DYNC2I1: variants seen among roughly 807,000 people sequenced by gnomAD.
DYNC2I1 encodes cytoplasmic dynein 2 intermediate chain 1.
In DYNC2I1, 89 loss-of-function variants were observed where a neutral mutation model predicts 133.4. The observed-to-expected ratio is 0.67, with a 90% confidence interval of 0.56 to 0.80. The LOEUF (loss-of-function observed/expected upper bound fraction) is 0.80. Ranked by LOEUF, DYNC2I1 falls within the 30% of genes least tolerant of loss-of-function variation. The pLI, the probability that DYNC2I1 is intolerant of heterozygous loss-of-function variation, is 0.00. For missense variants in DYNC2I1, 1,291 were observed against 1,314.5 expected (o/e 0.98, Z 0.28); for synonymous variants, 504 against 484.3 (o/e 1.04, Z -0.54).
chr7:158,861,490 C>T lies in DYNC2I1; in HGVS notation c.15+4740C>T, dbSNP rs115299080. On this transcript the variant is annotated intron_variant, in intron 1 of 24. Transcript: ENST00000407559. Reference sequence around the variant, plus strand: ...TTACTGAATGAAATCTATTTCACCACTCGAAAGTCTGGCATCCCCCTCCCC... The same window carrying T: ...TTACTGAATGAAATCTATTTCACCATTCGAAAGTCTGGCATCCCCCTCCCC... Among the ~76,000 whole-genome samples, 710 of 152,288 alleles carry T rather than the reference C, an allele frequency of 4.7e-3. 3 individuals are homozygous for T. The highest frequency in any genetic ancestry group is 0.016 in the African/African-American group (678 of 41,554).
intron 2 of DYNC2I1, among the ~76,000 whole-genome samples, chr7:158,870,679 AT>A (rs1022337273): frequency 6.6e-6 from 1 of 151,502 alleles, no homozygotes; most frequent in Admixed American, 6.6e-5. Flanking sequence ...GGTCCTACTT[AT>A]TTTTTTTGAA....
At chr7:158,894,944 T>G (rs1372484752) in intron 8 of DYNC2I1, among the ~76,000 whole-genome samples, 1 of 152,198 alleles carries the variant, frequency 6.6e-6, no homozygotes, top group African/African-American at 2.4e-5. Flanking sequence ...TTTTTGTATG[T>G]TTGTTTGCCA....
chr7:158,893,003 A>C (rs1845387192), intron 8 of DYNC2I1, among the ~76,000 whole-genome samples: 1 of 151,710 alleles, frequency 6.6e-6, no homozygotes, highest in Non-Finnish European at 1.5e-5. Context: ...TCGCCCCCAC[A>C]CATGAATAGC....
At position 158,884,598 on chromosome 7, in the gene DYNC2I1, A is replaced by G. The variant is rs375932215; in HGVS notation, c.914A>G (p.Lys305Arg). 6.2e-7 allele frequency: 1 copy of G among 1,613,278 alleles called. No homozygotes were observed. Among genetic ancestry groups the G allele is most frequent in the Non-Finnish European group, 8.5e-7 (1 of 1,179,636 alleles). ...CACAGAAATCGAGGTGCAAGCTCAA[A>G]AAGAGATGGGACCAGCAGCCAGTAA... ...GEHRNRGASS[K>R]RDGTSSQHAE... Residue 305 changes from lysine to arginine, a missense_variant, in exon 6 of 25, where the codon AAA becomes AGA. Coordinates refer to ENST00000407559, the MANE Select transcript of DYNC2I1 (RefSeq NM_018051.5).
At chr7:158,868,868 T>C (rs1315319152) in intron 1 of DYNC2I1, among the ~76,000 whole-genome samples, 28 of 152,216 alleles carry the variant, frequency 1.8e-4, no homozygotes, top group Admixed American at 1.8e-3. Context: ...CTTAGTAGGG[T>C]TATGAGATTT....
In DYNC2I1 at chr7:158,918,866, C is replaced by T; in HGVS notation, c.1918C>T (p.Gln640Ter). 6.2e-7 allele frequency: 1 copy of T among 1,612,236 alleles called. No individual in the cohort carries two copies. The highest frequency in any genetic ancestry group is 8.5e-7 in the Non-Finnish European group (1 of 1,178,738). The change falls in exon 15 of 25, where the codon CAA (glutamine) becomes TAA (stop). Residue 640 changes from glutamine to a stop codon, truncating the protein, a stop_gained. Coordinates refer to ENST00000407559, the MANE Select transcript of DYNC2I1 (RefSeq NM_018051.5). LOFTEE classifies it high-confidence loss of function. ...SQLNTSLPFLQNRKVSSLHTS... is the reference protein window; with the variant it reads ...SQLNTSLPFL Reference sequence around the variant, plus strand: ...GCTGAACACCAGTCTACCATTCCTTCAAAGTAAGAGGCTGTTCTCAAATAT... The same window carrying T: ...GCTGAACACCAGTCTACCATTCCTTTAAAGTAAGAGGCTGTTCTCAAATAT...
chr7:158,871,679 C>G, intron 3 of DYNC2I1, 117 bp downstream of exon 3: 2 of 1,210,894 alleles, frequency 1.7e-6, no homozygotes, highest in Non-Finnish European at 2.2e-6. Flanking sequence ...CTTCCCCTTT[C>G]CTTTTTTTTC....
downstream of DYNC2I1, among the ~76,000 whole-genome samples, chr7:158,950,983 A>G (rs1156987200): frequency 6.6e-6 from 1 of 152,054 alleles, no homozygotes; most frequent in African/African-American, 2.4e-5. Context: ...TGCCTGGCCT[A>G]TATATGATTC....
chr7:158,917,413 T>C (rs1848550462), intron 14 of DYNC2I1, among the ~76,000 whole-genome samples: 1 of 101,778 alleles, frequency 9.8e-6, no homozygotes, highest in Non-Finnish European at 1.9e-5. Context: ...AAACACCTCC[T>C]GTCCTCCACA....
At chr7:158,957,971 C>T (rs778854521), downstream of DYNC2I1, among the ~76,000 whole-genome samples, 14 of 152,198 alleles carry the variant, frequency 9.2e-5, no homozygotes, top group Non-Finnish European at 1.8e-4. Flanking sequence ...CTCGGCCTTC[C>T]GCTCCGGGGA....
rs61733021 is a variant in DYNC2I1 at position 158,926,283 on chromosome 7, C to T, written c.2354C>T (p.Pro785Leu). 971 of 1,612,252 alleles carry T rather than the reference C, an allele frequency of 6.0e-4. 3 individuals are homozygous for T. The African/African-American group carries it at 0.012, about 20-fold the overall frequency. ...AAAAAGCAGAGCTTTGTGCTTTCAC[C>T]CTTTTCTACTCAAGAAGGTACGTGA... The part of the protein sequence containing the change: ...VHKKQSFVLS[P>L]FSTQEEMSGL... The change falls in exon 18 of 25, where the codon CCC (proline) becomes CTC (leucine). Residue 785 changes from proline (P) to leucine (L), a missense_variant. Transcript: ENST00000407559.
At position 158,891,193 on chromosome 7, in the gene DYNC2I1, G is replaced by C. The variant is rs911402754; in HGVS notation, c.991-72G>C. 5.2e-6 allele frequency: 8 copies of C among 1,549,544 alleles called. No individual in the cohort carries two copies. In the African/African-American group the frequency reaches 1.1e-4, roughly 21 times the overall value. The stretch of plus-strand genomic sequence containing the variant: ...GCGGGCTCCGCAGTGGTGGGGTGGG[G>C]GGGAGCTGCGTGGCGTGTGCCCTGG... On this transcript the variant is annotated intron_variant, in intron 7 of 24. Coordinates refer to ENST00000407559, the MANE Select transcript of DYNC2I1 (RefSeq NM_018051.5).
chr7:158,921,321 CG>C (rs1279275214), intron 15 of DYNC2I1, among the ~76,000 whole-genome samples: 3 of 152,060 alleles, frequency 2.0e-5, no homozygotes, highest in Non-Finnish European at 4.4e-5. Context: ...GAGGAGACCA[CG>C]GTGGACAGTG....
At chr7:158,840,859 G>T in the DYNC2I1 span, among the ~76,000 whole-genome samples, 3 of 151,970 alleles carry the variant, frequency 2.0e-5, no homozygotes, top group Admixed American at 6.6e-5. Flanking sequence ...AGAGAGCTCC[G>T]TGCTTCATCA....
In DYNC2I1 at chr7:158,903,665, C is replaced by G. The variant is rs1399688253; in HGVS notation, c.1357+1070C>G. On this transcript the variant is annotated intron_variant, in intron 10 of 24. Coordinates refer to ENST00000407559, the MANE Select transcript of DYNC2I1 (RefSeq NM_018051.5). ...TCAGCCCTATCGCCTGGCTGAGGCT[C>G]AGGGACTGTTTCCCTCAGTTCCCCG... is the stretch of plus-strand genomic sequence containing the variant. 3.9e-5 allele frequency: 6 copies of G among 152,248 alleles called. No individual in the cohort carries two copies. The East Asian group carries it at 1.2e-3, about 29-fold the overall frequency. 9.4% of individuals were successfully genotyped at this position (152,248 alleles called of 1,614,324 possible). A position where few individuals can be genotyped will look rare whatever the true frequency, so the allele number is the denominator to read the frequency against.
chr7:158,865,532 C>T (rs1842329597), intron 1 of DYNC2I1, among the ~76,000 whole-genome samples: 1 of 152,148 alleles, frequency 6.6e-6, no homozygotes, highest in Admixed American at 6.5e-5. Flanking sequence ...GGATGCTGGC[C>T]CAGGACAGGT....
chr7:158,935,704 C>A (rs1850683659), intron 23 of DYNC2I1, among the ~76,000 whole-genome samples: 2 of 152,160 alleles, frequency 1.3e-5, no homozygotes, highest in South Asian at 4.1e-4. Context: ...TCAGGCAAGG[C>A]TGGGATGTGC....
intron 4 of DYNC2I1, among the ~76,000 whole-genome samples, chr7:158,877,701 T>C (rs963546971): frequency 6.6e-6 from 1 of 152,186 alleles, no homozygotes; most frequent in African/African-American, 2.4e-5. Context: ...TTTTTTTCTC[T>C]CTTTTTTTTA....
chr7:158,911,581 G>A lies in DYNC2I1; in HGVS notation c.1492G>A (p.Asp498Asn). The change falls in exon 12 of 25, where the codon GAC becomes AAC. Residue 498 changes from aspartate (D) to asparagine (N), a missense_variant. Coordinates refer to ENST00000407559, the MANE Select transcript of DYNC2I1 (RefSeq NM_018051.5). ...MRSTKLLRLIDLDFSFTFSLL... is the reference protein window; with the variant it reads ...MRSTKLLRLINLDFSFTFSLL... The stretch of plus-strand genomic sequence containing the variant: ...AAGTACAAAACTGCTTCGGCTCATT[G>A]ACTTAGATTTTTCATTTACTTTCTC... 2.5e-6 allele frequency: 4 copies of A among 1,613,554 alleles called. No individual in the cohort carries two copies. The highest frequency in any genetic ancestry group is 3.4e-6 in the Non-Finnish European group (4 of 1,179,772).
Sources: allele counts gnomAD v4.1 joint callset (sites outside exome capture counted in the v4.1 genomes callset), GRCh38; gene constraint gnomAD v4.1.1; transcripts MANE v1.5; gene names NCBI Gene and HGNC (gene_info 2026-07-23, HGNC 2026-07-21).